Variants in CTNNA2 observed in about 807,000 individuals in gnomAD.
CTNNA2 encodes catenin alpha-2.
In CTNNA2, 42 loss-of-function variants were observed where a neutral mutation model predicts 101.0. The observed-to-expected ratio is 0.42, with a 90% CI of 0.32 to 0.54. CTNNA2 has a LOEUF of 0.54. CTNNA2 is among the 20% of genes least tolerant of loss of function. The pLI, the probability that CTNNA2 is intolerant of heterozygous loss-of-function variation, is 0.14. For missense variants in CTNNA2, 871 were observed against 1,223.1 expected (o/e 0.71, Z 4.29); for synonymous variants, 450 against 456.4 (o/e 0.99, Z 0.18).
chr2:79,239,462 C>T (rs1188119812), intron 2 of CTNNA2, among the ~76,000 whole-genome samples: 1 of 152,018 alleles, frequency 6.6e-6, no homozygotes, highest in African/African-American at 2.4e-5. Context: ...CAAAAATTAA[C>T]TTAAGATGGA....
intron 1 of CTNNA2, among the ~76,000 whole-genome samples, chr2:79,597,365 C>G (rs1020700424): frequency 6.6e-6 from 1 of 151,180 alleles, no homozygotes; most frequent in Non-Finnish European, 1.5e-5. Flanking sequence ...CCAGCTACTC[C>G]GGAGGCTGAG....
chr2:79,333,127 T>A lies in CTNNA2; in HGVS notation c.-318+20331T>A, dbSNP rs562517659. ...TGTTTTGAATCATCAGAAATGTAAG[T>A]TGTTATACAGGGAGCAAACATTTAG... On this transcript the variant is annotated intron_variant, in intron 3 of 21. Transcript: ENST00000466387. Among the ~76,000 whole-genome samples, 11 of 152,300 alleles carry A rather than the reference T, an allele frequency of 7.2e-5. No homozygotes were observed. The South Asian group carries it at 2.3e-3, about 32-fold the overall frequency.
At chr2:80,033,753 A>G (rs1000027969) in intron 7 of CTNNA2, among the ~76,000 whole-genome samples, 2 of 152,206 alleles carry the variant, frequency 1.3e-5, no homozygotes, top group South Asian at 2.1e-4. Context: ...CTATGAATAC[A>G]TGAAGAGATC....
At chr2:80,082,886 G>T (rs115907220) in intron 7 of CTNNA2, among the ~76,000 whole-genome samples, 1 of 152,238 alleles carries the variant, frequency 6.6e-6, no homozygotes, top group African/African-American at 2.4e-5. Flanking sequence ...TTACAGGGCT[G>T]TAATAGACTG....
intron 3 of CTNNA2, among the ~76,000 whole-genome samples, chr2:79,347,788 CTTT>C (rs35044310): frequency 0.35 from 46,740 of 132,562 alleles, 7,704 homozygotes; most frequent in South Asian, 0.48. Flanking sequence ...CCTAGCCTTC[CTTT>C]TTTTTTTTTT....
chr2:80,243,749 C>T (rs1297851105), intron 7 of CTNNA2, among the ~76,000 whole-genome samples: 6 of 152,290 alleles, frequency 3.9e-5, no homozygotes, highest in East Asian at 3.9e-4. Context: ...TTTTTGCATG[C>T]CTTCATTTCC....
At position 79,412,949 on chromosome 2, in the gene CTNNA2, A is replaced by T. The variant is rs1156955224; in HGVS notation, c.-135+38936A>T. Among the ~76,000 whole-genome samples, 8 of 152,248 alleles carry T rather than the reference A, an allele frequency of 5.3e-5. No homozygotes were observed. The East Asian group carries it at 1.4e-3, about 26-fold the overall frequency. On this transcript the variant is annotated intron_variant, in intron 4 of 21. Transcript: ENST00000466387. ...ACCACTCTTTTAGTAAATTTTATTT[A>T]ATTCTTACAATAACACTTTGGAATA...
intron 3 of CTNNA2, among the ~76,000 whole-genome samples, chr2:79,844,690 G>A (rs990603576): frequency 3.9e-5 from 6 of 152,112 alleles, no homozygotes; most frequent in African/African-American, 9.7e-5. Flanking sequence ...CCTAAAGCCC[G>A]CTTTTCATTT....
At chr2:80,195,791 A>G (rs777484045) in intron 7 of CTNNA2, among the ~76,000 whole-genome samples, 1 of 152,126 alleles carries the variant, frequency 6.6e-6, no homozygotes. Context: ...GCCACTTGAT[A>G]TTGCATATGC....
intron 7 of CTNNA2, among the ~76,000 whole-genome samples, chr2:80,225,724 G>A (rs1054584717): frequency 6.6e-5 from 10 of 151,962 alleles, no homozygotes; most frequent in Non-Finnish European, 1.3e-4. Flanking sequence ...TTTTTCCTGA[G>A]GAATTAGATT....
At chr2:79,803,559 C>G (rs1261723907) in intron 3 of CTNNA2, among the ~76,000 whole-genome samples, 1 of 152,252 alleles carries the variant, frequency 6.6e-6, no homozygotes, top group Non-Finnish European at 1.5e-5. Context: ...TTAAGGATGC[C>G]TTTAAGCAGT....
At chr2:80,015,059 G>A (rs1442758894) in intron 7 of CTNNA2, among the ~76,000 whole-genome samples, 1 of 152,110 alleles carries the variant, frequency 6.6e-6, no homozygotes, top group African/African-American at 2.4e-5. Context: ...GTTATATGGG[G>A]GAGTCTATTT....
intron 7 of CTNNA2, among the ~76,000 whole-genome samples, chr2:80,227,977 T>TC (rs1708986033): frequency 2.0e-5 from 3 of 151,994 alleles, no homozygotes; most frequent in African/African-American, 4.8e-5. Context: ...ATTTTTTTTT[T>TC]CCTAAAATAT....
At position 79,612,009 on chromosome 2, in the gene CTNNA2, C is replaced by T. The variant is rs115927495; in HGVS notation, c.-5-39543C>T. ...GTTTAACGAGGTTGCTAGAACCCTG[C>T]AGAATCTGCTAAGTTTTCACCTACT... is the stretch of plus-strand genomic sequence containing the variant. On this transcript the variant is annotated intron_variant, in intron 1 of 18. Coordinates refer to ENST00000402739, the MANE Select transcript of CTNNA2 (RefSeq NM_001282597.3). 2.3e-3 allele frequency among the ~76,000 whole-genome samples: 352 copies of T among 152,240 alleles called. 1 individual carries two copies. Among genetic ancestry groups the T allele is most frequent in the African/African-American group, 8.1e-3 (336 of 41,546 alleles).
intron 6 of CTNNA2, among the ~76,000 whole-genome samples, chr2:79,882,805 G>A (rs1037809072): frequency 6.6e-6 from 1 of 152,218 alleles, no homozygotes; most frequent in African/African-American, 2.4e-5. Flanking sequence ...CGTAGCTCTG[G>A]GGTTGGGATG....
At chr2:79,945,699 C>T (rs1371220953) in intron 7 of CTNNA2, among the ~76,000 whole-genome samples, 1 of 152,046 alleles carries the variant, frequency 6.6e-6, no homozygotes, top group Non-Finnish European at 1.5e-5. Context: ...ATGCTTAGTC[C>T]TGGAGATGAA....
rs1412835592 is a variant in CTNNA2, at chr2:79,521,167, TAA to T, written c.-6+7962_-6+7963del. ...ATATATATATATATATATATATATA[TAA>T]ATTTTAAGGTGCGCTATTTAATATA... On this transcript the variant is annotated intron_variant, in intron 1 of 18. Coordinates refer to ENST00000402739, the MANE Select transcript of CTNNA2 (RefSeq NM_001282597.3). 2.7e-4 allele frequency among the ~76,000 whole-genome samples: 27 copies of T among 100,478 alleles called. 1 individual carries two copies. Among genetic ancestry groups the T allele is most frequent in the African/African-American group, 1.1e-3 (27 of 25,470 alleles). The allele number at this position is 100,478 out of a possible 152,430, so 65.9% of individuals were successfully genotyped here.
chr2:79,386,143 C>T (rs527409110), intron 4 of CTNNA2, among the ~76,000 whole-genome samples: 34 of 152,276 alleles, frequency 2.2e-4, no homozygotes, highest in Non-Finnish European at 3.8e-4. Flanking sequence ...TTTACACTCC[C>T]ACTAAGAGTG....
intron 4 of CTNNA2, among the ~76,000 whole-genome samples, chr2:79,503,253 C>A (rs1311852526): frequency 6.6e-6 from 1 of 152,168 alleles, no homozygotes; most frequent in African/African-American, 2.4e-5. Context: ...TTGTTAATTT[C>A]TCTTCTTATT....
Sources: gnomAD v4.1 joint callset for allele counts (sites outside exome capture counted in the v4.1 genomes callset) on GRCh38, gnomAD v4.1.1 for gene constraint, MANE v1.5 for transcripts, NCBI Gene and HGNC (gene_info 2026-07-23, HGNC 2026-07-21) for gene names.